TEAD1: variants seen among roughly 807,000 people sequenced by gnomAD.
TEAD1 encodes the protein TEA domain transcription factor 1.
TEAD1 carries 9 observed loss-of-function variants against 54.9 expected under a neutral mutation model. The ratio of observed to expected loss-of-function variants is 0.16; its 90% CI spans 0.10 to 0.29. The LOEUF (loss-of-function observed/expected upper bound fraction) is 0.29. TEAD1 is among the 10% of genes least tolerant of loss of function. The pLI is 1.00. For synonymous variants in TEAD1, 200 were observed against 187.8 expected (o/e 1.07, Z -0.53); for missense variants, 387 against 535.9 (o/e 0.72, Z 2.74).
rs773173963 is a variant in TEAD1, at chr11:12,901,905, T to G, written c.700-35T>G. 36 of 1,613,792 alleles carry G rather than the reference T, an allele frequency of 2.2e-5. No individual in the cohort carries two copies. In the East Asian group the frequency reaches 7.6e-4, roughly 34 times the overall value. ...GATGAGTTCCAGGTTGATCAAAGAG[T>G]TTGTAATGGGAATGTTTCTGTTGGT... On this transcript the variant is annotated intron_variant, in intron 9 of 12. Transcript: ENST00000527636.
At chr11:12,864,653 T>TTTTGTTTTGTTTTG in intron 4 of TEAD1, 185 bp from the exon 5 acceptor site, 1 of 1,441,160 alleles carries the variant, frequency 6.9e-7, no homozygotes, top group Non-Finnish European at 9.1e-7. Context: ...TTTTGTTTTG[T>TTTTGTTTTGTTTTG]TTTGTTTCCC....
intron 10 of TEAD1, among the ~76,000 whole-genome samples, chr11:12,916,714 A>G (rs1421260124): frequency 6.6e-6 from 1 of 152,226 alleles, no homozygotes; most frequent in Non-Finnish European, 1.5e-5. Context: ...TGAGATGACA[A>G]ATGAGAAGCA....
chr11:12,801,869 A>G (rs562125409), intron 3 of TEAD1, among the ~76,000 whole-genome samples: 1 of 152,362 alleles, frequency 6.6e-6, no homozygotes, highest in East Asian at 1.9e-4. Flanking sequence ...GTGTAAAAAA[A>G]GGAAATCACT....
chr11:12,913,698 T>A (rs1422633579), intron 10 of TEAD1, among the ~76,000 whole-genome samples: 1 of 152,270 alleles, frequency 6.6e-6, no homozygotes, highest in Admixed American at 6.5e-5. Flanking sequence ...GGTGTACATG[T>A]CCTATACAGT....
chr11:12,918,674 C>A (rs373652283), intron 10 of TEAD1, among the ~76,000 whole-genome samples: 1 of 152,142 alleles, frequency 6.6e-6, no homozygotes, highest in East Asian at 1.9e-4. Flanking sequence ...ATCCATATGT[C>A]CCTCAAAAGC....
At position 12,941,297 on chromosome 11, in the gene TEAD1, G is replaced by A. The variant is rs997753980; in HGVS notation, c.*4075G>A. 6.6e-6 allele frequency: 1 copy of A among 152,184 alleles called. No individual in the cohort carries two copies. The highest frequency in any genetic ancestry group is 6.5e-5 in the Admixed American group (1 of 15,282). 9.4% of individuals were successfully genotyped at this position (152,184 alleles called of 1,614,324 possible). The stretch of plus-strand genomic sequence containing the variant: ...CTGGCGAGCCATTTTACTTCCTGAG[G>A]ACAATTCCCCAGCCACAGGCTCTGA... On this transcript the variant is annotated 3_prime_UTR_variant, in exon 13 of 13. Transcript: ENST00000527636.
chr11:12,879,116 C>T (rs553673202), intron 5 of TEAD1, among the ~76,000 whole-genome samples: 11 of 152,188 alleles, frequency 7.2e-5, no homozygotes, highest in South Asian at 2.1e-4. Context: ...GCATGCACCC[C>T]GCCAGCATGC....
At chr11:12,879,185 G>T (rs1005354549) in intron 5 of TEAD1, among the ~76,000 whole-genome samples, 4 of 152,152 alleles carry the variant, frequency 2.6e-5, no homozygotes, top group African/African-American at 9.7e-5. Context: ...CCAGGTGTCT[G>T]CAGGGCTTCC....
chr11:12,814,760 CT>C lies in TEAD1; in HGVS notation c.203-47489del, dbSNP rs1236423719. ...ATTCTGATCTCAAGTCCAGCCACCC[CT>C]GACCATCGCAGAGCTCTGTGTGTGT... On this transcript the variant is annotated intron_variant, in intron 3 of 12. Coordinates refer to ENST00000527636, the MANE Select transcript of TEAD1 (RefSeq NM_021961.6). Among the ~76,000 whole-genome samples the C allele has an allele frequency of 3.3e-5, 5 of 150,452 alleles. No homozygotes were observed. The East Asian group carries it at 9.9e-4, about 30-fold the overall frequency.
chr11:12,857,256 G>A (rs573535939), intron 3 of TEAD1, among the ~76,000 whole-genome samples: 208 of 152,344 alleles, frequency 1.4e-3, no homozygotes, highest in African/African-American at 4.6e-3. Context: ...GGATCACAGT[G>A]TAAAAGTGAC....
chr11:12,804,089 A>T (rs144017863), intron 3 of TEAD1, among the ~76,000 whole-genome samples: 2 of 152,354 alleles, frequency 1.3e-5, no homozygotes, highest in African/African-American at 4.8e-5. Flanking sequence ...ATTTTGAGGC[A>T]CGTGTGCCAG....
chr11:12,904,267 T>G (rs201303005), intron 10 of TEAD1, among the ~76,000 whole-genome samples: 1 of 53,664 alleles, frequency 1.9e-5, no homozygotes, highest in East Asian at 1.5e-3. Context: ...AACACATAAG[T>G]TTTATCACAT....
intron 2 of TEAD1, among the ~76,000 whole-genome samples, chr11:12,762,385 C>T (rs1590125078): frequency 6.6e-6 from 1 of 151,970 alleles, no homozygotes; most frequent in Non-Finnish European, 1.5e-5. Context: ...TAGATCGTAA[C>T]GAAAAAGATA....
At chr11:12,846,789 A>G (rs1178581355) in intron 3 of TEAD1, among the ~76,000 whole-genome samples, 4 of 152,240 alleles carry the variant, frequency 2.6e-5, no homozygotes, top group Non-Finnish European at 4.4e-5. Context: ...ATTGATGAAG[A>G]TCACAAGAAT....
chr11:12,927,643 A>T (rs893303606), intron 11 of TEAD1, among the ~76,000 whole-genome samples: 1 of 152,186 alleles, frequency 6.6e-6, no homozygotes, highest in African/African-American at 2.4e-5. Context: ...GAAAAATTTT[A>T]TATTAAATAT....
intron 3 of TEAD1, among the ~76,000 whole-genome samples, chr11:12,857,344 AG>A (rs1947406751): frequency 6.6e-6 from 1 of 152,156 alleles, no homozygotes; most frequent in Non-Finnish European, 1.5e-5. Flanking sequence ...ACAGCATCTG[AG>A]GCTTAAAGAG....
At chr11:12,731,141 A>G (rs1944417410) in intron 2 of TEAD1, among the ~76,000 whole-genome samples, 2 of 152,170 alleles carry the variant, frequency 1.3e-5, no homozygotes, top group African/African-American at 4.8e-5. Context: ...ATCTTTATCC[A>G]TTAATCTGAA....
chr11:12,819,841 T>C (rs1480098046), intron 3 of TEAD1, among the ~76,000 whole-genome samples: 2 of 152,232 alleles, frequency 1.3e-5, no homozygotes, highest in African/African-American at 2.4e-5. Context: ...TGTTATTTCA[T>C]AGATAACAAA....
chr11:12,739,579 C>T (rs1041084523), intron 2 of TEAD1, among the ~76,000 whole-genome samples: 2 of 152,170 alleles, frequency 1.3e-5, no homozygotes, highest in African/African-American at 4.8e-5. Context: ...ATAATCTCCA[C>T]AAGATGTATT....
Sources: allele counts gnomAD v4.1 joint callset (sites outside exome capture counted in the v4.1 genomes callset), GRCh38; gene constraint gnomAD v4.1.1; transcripts MANE v1.5; gene names NCBI Gene and HGNC (gene_info 2026-07-23, HGNC 2026-07-21).